Variants in GRM7 observed in about 807,000 individuals in gnomAD.
The protein encoded by GRM7 is metabotropic glutamate receptor 7.
GRM7 carries 35 observed loss-of-function variants against 84.5 expected under a neutral mutation model. That is an observed-to-expected ratio of 0.41 (90% CI 0.32 to 0.55). The LOEUF (loss-of-function observed/expected upper bound fraction) is 0.55. GRM7 is among the 20% of genes least tolerant of loss of function. The pLI, the probability that GRM7 is intolerant of heterozygous loss-of-function variation, is 0.19. For synonymous variants in GRM7, 487 were observed against 455.1 expected (o/e 1.07, Z -0.89); for missense variants, 1,003 against 1,194.6 (o/e 0.84, Z 2.36).
intron 1 of GRM7, among the ~76,000 whole-genome samples, chr3:6,985,801 C>T (rs952447697): frequency 2.0e-5 from 3 of 152,124 alleles, no homozygotes; most frequent in Non-Finnish European, 4.4e-5. Flanking sequence ...ATGAGCTTGA[C>T]TGTAAAGGGG....
intron 2 of GRM7, among the ~76,000 whole-genome samples, chr3:7,240,298 TTG>T (rs1697509424): frequency 6.6e-6 from 1 of 151,524 alleles, no homozygotes; most frequent in Admixed American, 6.6e-5. Context: ...TTGCATGGAC[TTG>T]TGATAGTGAG....
rs1696312623 is a variant in GRM7, at chr3:6,899,560, C to T, written c.519+37653C>T. On this transcript the variant is annotated intron_variant, in intron 1 of 9. Coordinates refer to ENST00000357716, the MANE Select transcript of GRM7 (RefSeq NM_000844.4). ...GTTTTCTCTGAAAGTTATGGGGAAA[C>T]CAGGTTGTTAAGACAACAAAATGGG... Among the ~76,000 whole-genome samples the T allele has an allele frequency of 3.9e-5, 6 of 152,126 alleles. No individual in the cohort carries two copies. The South Asian group carries it at 1.2e-3, about 32-fold the overall frequency.
intron 4 of GRM7, among the ~76,000 whole-genome samples, chr3:7,323,001 G>A (rs565887859): frequency 6.6e-6 from 1 of 152,076 alleles, no homozygotes; most frequent in Non-Finnish European, 1.5e-5. Flanking sequence ...ATTGCTTATG[G>A]AACAAAGGAA....
intron 1 of GRM7, among the ~76,000 whole-genome samples, chr3:7,068,818 C>CA (rs1283734872): frequency 6.6e-6 from 1 of 151,696 alleles, no homozygotes; most frequent in African/African-American, 2.4e-5. Flanking sequence ...TAAGCTGCCT[C>CA]AAAAAAACCC....
chr3:7,187,297 A>G (rs1486116218), intron 2 of GRM7, among the ~76,000 whole-genome samples: 1 of 152,198 alleles, frequency 6.6e-6, no homozygotes, highest in Non-Finnish European at 1.5e-5. Context: ...CATGAGACAC[A>G]ATATTCCCTA....
intron 2 of GRM7, among the ~76,000 whole-genome samples, chr3:7,237,118 A>AT (rs1231195483): frequency 1.3e-5 from 2 of 152,194 alleles, no homozygotes; most frequent in African/African-American, 4.8e-5. Context: ...AGGTAAAAAA[A>AT]CTGAAACTCA....
At chr3:7,092,068 G>A (rs1698684498) in intron 1 of GRM7, among the ~76,000 whole-genome samples, 1 of 152,004 alleles carries the variant, frequency 6.6e-6, no homozygotes, top group Non-Finnish European at 1.5e-5. Context: ...GAGTGAAGTG[G>A]CGTGATCTCA....
chr3:7,189,912 A>T (rs1695651877), intron 2 of GRM7, among the ~76,000 whole-genome samples: 1 of 152,114 alleles, frequency 6.6e-6, no homozygotes, highest in East Asian at 1.9e-4. Context: ...AGACTATTGC[A>T]TTATTTACAC....
intron 7 of GRM7, among the ~76,000 whole-genome samples, chr3:7,548,831 C>T (rs1489843545): frequency 6.6e-6 from 1 of 152,308 alleles, no homozygotes; most frequent in African/African-American, 2.4e-5. Flanking sequence ...GCCTCACTCT[C>T]TGCATTTTGT....
chr3:7,575,051 T>C (rs1452267525), intron 7 of GRM7, among the ~76,000 whole-genome samples: 1 of 151,818 alleles, frequency 6.6e-6, no homozygotes, highest in African/African-American at 2.4e-5. Context: ...TTGCTTTCTT[T>C]GACCAGAACT....
chr3:6,951,767 C>G lies in GRM7; in HGVS notation c.519+89860C>G, dbSNP rs1462334565. 2.6e-5 allele frequency among the ~76,000 whole-genome samples: 4 copies of G among 152,116 alleles called. No individual in the cohort carries two copies. In the East Asian group the frequency reaches 5.8e-4, roughly 22 times the overall value. ...GTTCAGTGGAAGGTTCTATAAATGT[C>G]AATTAGGTCAAGTTAGTTGATAGTG... On this transcript the variant is annotated intron_variant, in intron 1 of 9. Transcript: ENST00000357716.
intron 1 of GRM7, among the ~76,000 whole-genome samples, chr3:7,072,277 T>C (rs889808158): frequency 1.3e-5 from 2 of 152,058 alleles, no homozygotes; most frequent in Admixed American, 6.6e-5. Context: ...ATACATGAGG[T>C]TCTGTGAAAC....
At chr3:7,598,404 T>A (rs767051652) in intron 8 of GRM7, among the ~76,000 whole-genome samples, 2 of 152,190 alleles carry the variant, frequency 1.3e-5, no homozygotes, top group Non-Finnish European at 2.9e-5. Context: ...ACCAACAACC[T>A]GTCCTTTGAT....
chr3:6,957,781 G>T lies in GRM7; in HGVS notation c.519+95874G>T, dbSNP rs144731568. Among the ~76,000 whole-genome samples the T allele has an allele frequency of 3.3e-3, 508 of 152,246 alleles. 6 individuals carry two copies. The highest frequency in any genetic ancestry group is 0.012 in the African/African-American group (482 of 41,554). ...CCATTCATTCAATGTAATAAGTGGT[G>T]AGAAAACACAGTGAAAAAGAGGGAT... is the stretch of plus-strand genomic sequence containing the variant. On this transcript the variant is annotated intron_variant, in intron 1 of 9. Coordinates refer to ENST00000357716, the MANE Select transcript of GRM7 (RefSeq NM_000844.4).
chr3:7,428,756 T>C (rs1361380841), intron 5 of GRM7, among the ~76,000 whole-genome samples: 1 of 152,204 alleles, frequency 6.6e-6, no homozygotes, highest in African/African-American at 2.4e-5. Context: ...ATTCTGGTAA[T>C]TCTGTGACCC....
chr3:7,387,507 G>A (rs533125021), intron 4 of GRM7, among the ~76,000 whole-genome samples: 91 of 152,116 alleles, frequency 6.0e-4, no homozygotes, highest in African/African-American at 1.9e-3. Flanking sequence ...TGCTACATTT[G>A]GTTATTCACT....
intron 1 of GRM7, among the ~76,000 whole-genome samples, chr3:6,972,426 G>T (rs1418807953): frequency 6.6e-6 from 1 of 152,106 alleles, no homozygotes; most frequent in Non-Finnish European, 1.5e-5. Flanking sequence ...TGTCTTTCTT[G>T]CAGGGTGGCT....
chr3:7,143,721 G>A (rs1174315686), intron 1 of GRM7, among the ~76,000 whole-genome samples: 1 of 152,154 alleles, frequency 6.6e-6, no homozygotes, highest in African/African-American at 2.4e-5. Flanking sequence ...AGGGCTGGAT[G>A]TATCTTTATT....
intron 8 of GRM7, among the ~76,000 whole-genome samples, chr3:7,590,577 A>G (rs571451853): frequency 9.9e-5 from 15 of 151,938 alleles, no homozygotes; most frequent in Non-Finnish European, 1.6e-4. Context: ...TTCATTTCCA[A>G]TTTCTTCTCA....
Sources: allele counts gnomAD v4.1 joint callset (sites outside exome capture counted in the v4.1 genomes callset), GRCh38; gene constraint gnomAD v4.1.1; transcripts MANE v1.5; gene names NCBI Gene and HGNC (gene_info 2026-07-23, HGNC 2026-07-21).